Variants in FAF1 observed in about 807,000 individuals in gnomAD.
FAF1 encodes the protein FAS-associated factor 1.
A neutral mutation model predicts 92.5 loss-of-function variants in FAF1; 25 were observed. The observed-to-expected ratio is 0.27, with a 90% CI of 0.20 to 0.38. FAF1 has a LOEUF of 0.38. Ranked by LOEUF, FAF1 falls within the 10% of genes least tolerant of loss-of-function variation. The pLI is 1.00. For synonymous variants in FAF1, 234 were observed against 273.2 expected (o/e 0.86, Z 1.42); for missense variants, 636 against 793.3 (o/e 0.80, Z 2.38).
intron 6 of FAF1, among the ~76,000 whole-genome samples, chr1:50,714,552 A>T (rs1044369955): frequency 4.2e-4 from 63 of 151,756 alleles, no homozygotes; most frequent in African/African-American, 1.5e-3. Flanking sequence ...AAACAAAAAA[A>T]CCTCCACATC....
chr1:50,587,453 C>T (rs1651288497), intron 9 of FAF1, among the ~76,000 whole-genome samples: 1 of 152,114 alleles, frequency 6.6e-6, no homozygotes, highest in Non-Finnish European at 1.5e-5. Flanking sequence ...CCAGTCTCTT[C>T]ATATTTTTTT....
chr1:50,623,093 T>C (rs1653288120), intron 8 of FAF1, among the ~76,000 whole-genome samples: 1 of 152,198 alleles, frequency 6.6e-6, no homozygotes, highest in South Asian at 2.1e-4. Context: ...TTTACCTGTA[T>C]TGCTTCATTT....
At chr1:50,949,878 G>C (rs963385459) in intron 1 of FAF1, among the ~76,000 whole-genome samples, 3 of 150,070 alleles carry the variant, frequency 2.0e-5, no homozygotes, top group Non-Finnish European at 3.0e-5. Flanking sequence ...TTTTTTTTTC[G>C]AGACAGGGTC....
Position 50,788,090 on chromosome 1 carries a change from T to C in FAF1, c.277A>G (p.Ile93Val). ...AFRPVMPSRQIVERQPRMLDF... is the reference protein window; with the variant it reads ...AFRPVMPSRQVVERQPRMLDF... ...AGCATCCGAGGTTGCCTTTCTACAA[T>C]CTGCCTGGATGGCATTACAGGTCGA... The change falls in exon 4 of 19, where the codon ATT becomes GTT. Residue 93 changes from isoleucine to valine, a missense_variant. This residue lies in a region of FAF1 where 317 missense variants were observed against 342.4 expected (regional missense o/e 0.93). Coordinates refer to ENST00000396153, the MANE Select transcript of FAF1 (RefSeq NM_007051.3). 6.2e-7 allele frequency: 1 copy of C among 1,614,160 alleles called. No individual in the cohort carries two copies. The highest frequency in any genetic ancestry group is 1.1e-5 in the South Asian group (1 of 91,084).
chr1:50,686,349 C>T (rs547300547), intron 7 of FAF1, among the ~76,000 whole-genome samples: 5 of 152,116 alleles, frequency 3.3e-5, no homozygotes, highest in African/African-American at 9.6e-5. Context: ...TCGAGACCAG[C>T]CTGACCAACA....
At chr1:50,526,955 A>C (rs1445118292) in intron 15 of FAF1, among the ~76,000 whole-genome samples, 1 of 151,928 alleles carries the variant, frequency 6.6e-6, no homozygotes, top group African/African-American at 2.4e-5. Flanking sequence ...CTCAGGTTCA[A>C]GTGATTCTCC....
chr1:50,801,721 A>C, intron 2 of FAF1, 44 bp from the exon 3 acceptor site: 1 of 1,151,970 alleles, frequency 8.7e-7, no homozygotes, highest in Non-Finnish European at 1.3e-6. Context: ...AAACAGATAA[A>C]TGCCCAAGTG....
At chr1:50,582,914 A>G (rs985143128) in intron 11 of FAF1, among the ~76,000 whole-genome samples, 1 of 152,190 alleles carries the variant, frequency 6.6e-6, no homozygotes, top group African/African-American at 2.4e-5. Flanking sequence ...AATTTTAAGT[A>G]CACTTAGCAA....
intron 9 of FAF1, among the ~76,000 whole-genome samples, chr1:50,593,192 G>A (rs1651613759): frequency 6.6e-6 from 1 of 152,034 alleles, no homozygotes; most frequent in Non-Finnish European, 1.5e-5. Context: ...TTTTAGTTTG[G>A]CAAAGCCTCC....
intron 1 of FAF1, among the ~76,000 whole-genome samples, chr1:50,958,910 A>G (rs1473295526): frequency 6.6e-6 from 1 of 152,218 alleles, no homozygotes; most frequent in Non-Finnish European, 1.5e-5. Flanking sequence ...TTCCTTCACC[A>G]AACATCAAAA....
intron 1 of FAF1, among the ~76,000 whole-genome samples, chr1:50,934,517 G>A (rs1645071648): frequency 6.6e-6 from 1 of 152,108 alleles, no homozygotes; most frequent in Non-Finnish European, 1.5e-5. Flanking sequence ...GAGCCCAGAA[G>A]TTTGAGACCA....
intron 2 of FAF1, among the ~76,000 whole-genome samples, chr1:50,838,553 T>A (rs1420324152): frequency 7.3e-6 from 1 of 137,610 alleles, no homozygotes; most frequent in African/African-American, 2.5e-5. Context: ...GAATTATAAA[T>A]TAAAAATATA....
At chr1:50,548,628 T>C (rs1198120251) in intron 13 of FAF1, among the ~76,000 whole-genome samples, 1 of 152,232 alleles carries the variant, frequency 6.6e-6, no homozygotes, top group African/African-American at 2.4e-5. Context: ...ACTTGAACCC[T>C]CAAAATAAGC....
intron 17 of FAF1, 89 bp downstream of exon 17, chr1:50,490,496 AAGG>A (rs2149008561): frequency 1.8e-6 from 1 of 547,816 alleles, no homozygotes; most frequent in Non-Finnish European, 3.3e-6. Flanking sequence ...GAAGGAAAGG[AAGG>A]AAGGAAGGAA....
intron 12 of FAF1, among the ~76,000 whole-genome samples, chr1:50,569,038 A>G (rs1297055395): frequency 6.6e-6 from 1 of 152,130 alleles, no homozygotes; most frequent in South Asian, 2.1e-4. Flanking sequence ...GTGAACAAGA[A>G]AGACTCGGGG....
At chr1:50,939,566 C>T (rs1272736410) in intron 1 of FAF1, among the ~76,000 whole-genome samples, 1 of 152,150 alleles carries the variant, frequency 6.6e-6, no homozygotes, top group East Asian at 1.9e-4. Flanking sequence ...CTATGATGAA[C>T]AGGAGTGGTG....
chr1:50,762,793 T>A (rs1249110752), intron 4 of FAF1, among the ~76,000 whole-genome samples: 1 of 151,828 alleles, frequency 6.6e-6, no homozygotes, highest in Non-Finnish European at 1.5e-5. Flanking sequence ...GGACTTCATG[T>A]CTAAAACACC....
At chr1:50,874,922 A>G (rs1007124837) in intron 1 of FAF1, among the ~76,000 whole-genome samples, 1 of 150,838 alleles carries the variant, frequency 6.6e-6, no homozygotes, top group Non-Finnish European at 1.5e-5. Flanking sequence ...GCCATGGACC[A>G]CCATGCCCAG....
At chr1:50,470,468 A>G (rs1265022393) in intron 18 of FAF1, among the ~76,000 whole-genome samples, 1 of 152,150 alleles carries the variant, frequency 6.6e-6, no homozygotes, top group Non-Finnish European at 1.5e-5. Context: ...CAAATATCAG[A>G]TATTAAGATT....
Sources: allele counts gnomAD v4.1 joint callset (sites outside exome capture counted in the v4.1 genomes callset), GRCh38; gene constraint gnomAD v4.1.1; regional missense constraint gnomAD v4.1.1; transcripts MANE v1.5; gene names NCBI Gene and HGNC (gene_info 2026-07-23, HGNC 2026-07-21).